Variants in MICU3 observed in about 807,000 individuals in gnomAD.
The protein encoded by MICU3 is calcium uptake protein 3, mitochondrial.
A neutral mutation model predicts 66.5 loss-of-function variants in MICU3; 62 were observed. The ratio of observed to expected loss-of-function variants is 0.93; its 90% confidence interval spans 0.76 to 1.15. The LOEUF is 1.15. Ranked by LOEUF, MICU3 falls within the 50% of genes most tolerant of loss-of-function variation. The probability of loss-of-function intolerance (pLI) is 0.00; values close to 1 mark genes in which losing one functional copy is unlikely to be tolerated. For missense variants in MICU3, 779 were observed against 664.4 expected (o/e 1.17, Z -1.90); for synonymous variants, 308 against 240.7 (o/e 1.28, Z -2.59).
intron 11 of MICU3, among the ~76,000 whole-genome samples, chr8:17,109,996 C>T (rs1487002540): frequency 2.0e-5 from 3 of 152,144 alleles, no homozygotes; most frequent in African/African-American, 7.2e-5. Flanking sequence ...TTTAAACTCA[C>T]TTATATTTCT....
At chr8:17,094,797 A>G (rs183854314) in intron 8 of MICU3, among the ~76,000 whole-genome samples, 188 of 152,142 alleles carry the variant, frequency 1.2e-3, no homozygotes, top group Admixed American at 2.1e-3. Context: ...TAAGACAACC[A>G]TGGTACTTCA....
At chr8:17,095,135 C>G (rs1311246840) in intron 8 of MICU3, among the ~76,000 whole-genome samples, 5 of 151,904 alleles carry the variant, frequency 3.3e-5, no homozygotes, top group Admixed American at 2.6e-4. Context: ...GTCAAAGTTA[C>G]TTTGTATTCC....
chr8:17,129,317 GA>G, the MICU3 span, among the ~76,000 whole-genome samples: 1 of 152,134 alleles, frequency 6.6e-6, no homozygotes, highest in Non-Finnish European at 1.5e-5. Context: ...GTCATTCATA[GA>G]AAAAGGCCCA....
chr8:17,136,723 G>A, the MICU3 span, among the ~76,000 whole-genome samples: 165 of 152,106 alleles, frequency 1.1e-3, 2 homozygotes, highest in Middle Eastern at 6.8e-3. Context: ...CAGGGCATAC[G>A]TGACCCAGAA....
rs574837028 is a variant in MICU3, at chr8:17,077,822, A to C, written c.607A>C (p.Lys203Gln). Reference sequence around the variant, plus strand: ...GCTCGCAGAAACACCACCAGTTTGGAAAGGCTCATCGAAGCTATTTCGAAA... The same window carrying C: ...GCTCGCAGAAACACCACCAGTTTGGCAAGGCTCATCGAAGCTATTTCGAAA... Reference protein sequence around the residue: ...QMLAETPPVWKGSSKLFRNLK... With the variant: ...QMLAETPPVWQGSSKLFRNLK... The change falls in exon 4 of 15, where the codon AAA becomes CAA. Residue 203 changes from lysine (K) to glutamine (Q), a missense_variant. Lys to Gln is a moderately conservative substitution (Grantham distance 53). Coordinates refer to ENST00000318063, the MANE Select transcript of MICU3 (RefSeq NM_181723.3). 101 of 1,612,188 alleles carry C rather than the reference A, an allele frequency of 6.3e-5. No individual in the cohort carries two copies. In the South Asian group the frequency reaches 1.1e-3, roughly 17 times the overall value.
intron 11 of MICU3, among the ~76,000 whole-genome samples, chr8:17,106,671 C>T (rs2150816500): frequency 6.6e-6 from 1 of 151,690 alleles, no homozygotes; most frequent in East Asian, 1.9e-4. Flanking sequence ...TTAAGCACCA[C>T]AAATGATTAC....
intron 11 of MICU3, among the ~76,000 whole-genome samples, chr8:17,113,782 G>C (rs1802424712): frequency 1.3e-5 from 2 of 151,806 alleles, no homozygotes; most frequent in African/African-American, 2.4e-5. Flanking sequence ...GCATAAAAGA[G>C]AGGATTTTCA....
chr8:17,076,965 G>C (rs1820476582), intron 3 of MICU3, among the ~76,000 whole-genome samples: 1 of 152,116 alleles, frequency 6.6e-6, no homozygotes, highest in Non-Finnish European at 1.5e-5. Context: ...TTATCTCACC[G>C]TCTTTTAATC....
intron 7 of MICU3, among the ~76,000 whole-genome samples, chr8:17,089,562 G>A (rs755142663): frequency 5.3e-5 from 8 of 152,034 alleles, no homozygotes; most frequent in Non-Finnish European, 1.2e-4. Context: ...AACTTATTGT[G>A]AAAATATATG....
intron 1 of MICU3, among the ~76,000 whole-genome samples, chr8:17,054,153 T>C (rs1371482786): frequency 1.3e-5 from 2 of 152,246 alleles, no homozygotes; most frequent in African/African-American, 4.8e-5. Flanking sequence ...AATGTCTATA[T>C]TTTCCTATTC....
intron 8 of MICU3, among the ~76,000 whole-genome samples, chr8:17,092,350 A>G (rs1472250229): frequency 6.6e-6 from 1 of 152,038 alleles, no homozygotes; most frequent in Non-Finnish European, 1.5e-5. Context: ...AGATCCTAAT[A>G]TTGCTCTAGT....
chr8:17,061,776 C>A (rs553531260), intron 1 of MICU3, among the ~76,000 whole-genome samples: 16 of 152,228 alleles, frequency 1.1e-4, no homozygotes, highest in African/African-American at 3.9e-4. Context: ...GAAGAAGAAA[C>A]CCTGAGATAT....
At chr8:17,138,614 G>C in the MICU3 span, among the ~76,000 whole-genome samples, 26 of 152,236 alleles carry the variant, frequency 1.7e-4, no homozygotes, top group East Asian at 5.0e-3. Context: ...AGAAGAATGA[G>C]AAATAATTAA....
At chr8:17,034,150 T>C (rs539950471) in intron 1 of MICU3, among the ~76,000 whole-genome samples, 51 of 152,288 alleles carry the variant, frequency 3.3e-4, no homozygotes, top group African/African-American at 1.2e-3. Flanking sequence ...CCTTAAGAAT[T>C]ATGCTAAATC....
chr8:17,032,474 C>T (rs747834237), intron 1 of MICU3, among the ~76,000 whole-genome samples: 2 of 151,834 alleles, frequency 1.3e-5, no homozygotes, highest in African/African-American at 4.8e-5. Context: ...ATGATTTGTT[C>T]GCCTTAAAAA....
At chr8:17,107,630 CTCAT>C (rs1475220731) in intron 11 of MICU3, among the ~76,000 whole-genome samples, 1 of 152,152 alleles carries the variant, frequency 6.6e-6, no homozygotes, top group Admixed American at 6.6e-5. Context: ...CACAGCCATT[CTCAT>C]TCATTTAATA....
intron 11 of MICU3, among the ~76,000 whole-genome samples, chr8:17,108,299 G>A (rs1025797273): frequency 1.3e-5 from 2 of 152,112 alleles, no homozygotes; most frequent in Admixed American, 1.3e-4. Context: ...GTGCAGTCAG[G>A]ACTACTGATT....
At position 17,105,456 on chromosome 8, in the gene MICU3, C is replaced by A; in HGVS notation, c.1129C>A (p.Leu377Ile). The change falls in exon 11 of 15, where the codon CTT becomes ATT. Residue 377 changes from leucine to isoleucine, a missense_variant. Leu to Ile is a conservative substitution (Grantham distance 5). Coordinates refer to ENST00000318063, the MANE Select transcript of MICU3 (RefSeq NM_181723.3). The stretch of plus-strand genomic sequence containing the variant: ...AACAGAAGTTCTAGAAATAGAATTC[C>A]TTTCCTACTCAAATGGAATGAATAC... ...LQTEVLEIEFLSYSNGMNTIS... is the reference protein window; with the variant it reads ...LQTEVLEIEFISYSNGMNTIS... 6.4e-7 allele frequency: 1 copy of A among 1,570,122 alleles called. No homozygotes were observed. Among genetic ancestry groups the A allele is most frequent in the Non-Finnish European group, 8.7e-7 (1 of 1,155,064 alleles).
chr8:17,074,013 A>G (rs1365815897), intron 3 of MICU3, among the ~76,000 whole-genome samples: 1 of 151,730 alleles, frequency 6.6e-6, no homozygotes, highest in Admixed American at 6.6e-5. Flanking sequence ...ATTCACTGTC[A>G]TTCTCTCATG....
Sources: allele counts gnomAD v4.1 joint callset (sites outside exome capture counted in the v4.1 genomes callset), GRCh38; gene constraint gnomAD v4.1.1; transcripts MANE v1.5; gene names NCBI Gene and HGNC (gene_info 2026-07-23, HGNC 2026-07-21).